The following CAMK1D variants were observed in gnomAD, a reference collection of about 807,000 sequenced individuals.
CAMK1D encodes calcium/calmodulin-dependent protein kinase type 1D.
A neutral mutation model predicts 47.7 loss-of-function variants in CAMK1D; 9 were observed. The observed-to-expected ratio is 0.19, with a 90% CI of 0.11 to 0.33. CAMK1D has a LOEUF of 0.33. Ranked by LOEUF, CAMK1D falls within the 10% of genes least tolerant of loss-of-function variation. The probability of loss-of-function intolerance (pLI) is 1.00; values close to 1 mark genes in which losing one functional copy is unlikely to be tolerated. For synonymous variants in CAMK1D, 184 were observed against 184.9 expected, an observed-to-expected ratio of 0.99 and a Z score of 0.04; for missense variants, 291 against 488.7, an observed-to-expected ratio of 0.60 and a Z score of 3.81.
At chr10:12,586,498 AC>A (rs1837822934) in intron 2 of CAMK1D, among the ~76,000 whole-genome samples, 1 of 151,858 alleles carries the variant, frequency 6.6e-6, no homozygotes, top group African/African-American at 2.4e-5. Context: ...ATAGATGCAT[AC>A]ACGAAAAGTT....
intron 1 of CAMK1D, among the ~76,000 whole-genome samples, chr10:12,464,145 A>G (rs953011588): frequency 1.3e-5 from 2 of 152,314 alleles, no homozygotes; most frequent in South Asian, 2.1e-4. Context: ...TGGTTAAAGT[A>G]TATCTCAAAA....
chr10:12,759,399 T>G (rs1346272101), intron 3 of CAMK1D, among the ~76,000 whole-genome samples: 4 of 152,200 alleles, frequency 2.6e-5, no homozygotes, highest in Non-Finnish European at 5.9e-5. Flanking sequence ...AGACTCACCT[T>G]GTCCCTAACA....
chr10:12,583,217 T>A lies in CAMK1D; in HGVS notation c.224+29861T>A, dbSNP rs187448956. The stretch of plus-strand genomic sequence containing the variant: ...GGAAAATACATCTGTACAGGGACAG[T>A]TGTAGCTCTATCTAGAGAAGGCAAT... On this transcript the variant is annotated intron_variant, in intron 2 of 10. Transcript: ENST00000619168. Among the ~76,000 whole-genome samples the A allele has an allele frequency of 3.3e-5, 5 of 152,232 alleles. No homozygotes were observed. In the Middle Eastern group the frequency reaches 0.01, roughly 311 times the overall value.
chr10:12,631,278 G>T (rs1412832471), intron 2 of CAMK1D, among the ~76,000 whole-genome samples: 1 of 152,188 alleles, frequency 6.6e-6, no homozygotes, highest in Non-Finnish European at 1.5e-5. Flanking sequence ...CTTACTATAA[G>T]ATTGCTATCC....
At chr10:12,602,138 C>T (rs10795968) in intron 2 of CAMK1D, among the ~76,000 whole-genome samples, 120,283 of 151,942 alleles carry the variant, frequency 0.79, 48,431 homozygotes, top group Non-Finnish European at 0.87. Context: ...ACTGCTGCGT[C>T]TATCTGAGGC....
chr10:12,438,914 C>T (rs1053425891), intron 1 of CAMK1D, among the ~76,000 whole-genome samples: 7 of 152,212 alleles, frequency 4.6e-5, no homozygotes, highest in African/African-American at 1.4e-4. Flanking sequence ...CACCGTGTTA[C>T]TTTAATTTTT....
rs569335560 is a variant in CAMK1D, at chr10:12,748,434, G to A, written c.300-12514G>A. On this transcript the variant is annotated intron_variant, in intron 3 of 10. Coordinates refer to ENST00000619168, the MANE Select transcript of CAMK1D (RefSeq NM_153498.4). ...TGGAGGGGCCCACGGGCAGGGATGG[G>A]GGCACTGGCGTGTGACTCAGAGTTT... is the stretch of plus-strand genomic sequence containing the variant. Among the ~76,000 whole-genome samples the A allele has an allele frequency of 4.3e-4, 66 of 152,284 alleles. No homozygotes were observed. The Middle Eastern group carries it at 0.014, about 32-fold the overall frequency.
rs573627820 is a variant in CAMK1D at position 12,643,780 on chromosome 10, T to G, written c.225-22956T>G. Among the ~76,000 whole-genome samples, 81 of 151,362 alleles carry G rather than the reference T, an allele frequency of 5.4e-4. 1 individual carries two copies. Among genetic ancestry groups the G allele is most frequent in the African/African-American group, 1.9e-3 (78 of 41,194 alleles). On this transcript the variant is annotated intron_variant, in intron 2 of 10. Transcript: ENST00000619168. ...AAGCCTGTAATCCCAGCTACTCAGG[T>G]GGCTGAGGCACGAGAATTGCTTGAA...
intron 1 of CAMK1D, among the ~76,000 whole-genome samples, chr10:12,477,842 A>G (rs909585051): frequency 1.3e-5 from 2 of 152,110 alleles, no homozygotes; most frequent in South Asian, 4.1e-4. Context: ...GACCTCTGCC[A>G]TCGTTTCAGG....
At chr10:12,361,486 C>A (rs1052908177) in intron 1 of CAMK1D, among the ~76,000 whole-genome samples, 3 of 144,140 alleles carry the variant, frequency 2.1e-5, no homozygotes, top group Non-Finnish European at 3.0e-5. Flanking sequence ...ACCTTATGAT[C>A]TGCCTGCCTT....
intron 8 of CAMK1D, among the ~76,000 whole-genome samples, chr10:12,819,493 C>T (rs1832939817): frequency 6.6e-6 from 1 of 152,196 alleles, no homozygotes; most frequent in African/African-American, 2.4e-5. Context: ...TGTGGATGAG[C>T]TCCTCAGCCC....
intron 1 of CAMK1D, among the ~76,000 whole-genome samples, chr10:12,452,357 A>G (rs547102495): frequency 1.3e-5 from 2 of 151,928 alleles, no homozygotes; most frequent in Non-Finnish European, 2.9e-5. Flanking sequence ...TCTTCCTTTC[A>G]TTTACAAAGA....
chr10:12,676,564 T>G (rs1335238423), intron 3 of CAMK1D, among the ~76,000 whole-genome samples: 2 of 152,196 alleles, frequency 1.3e-5, no homozygotes, highest in African/African-American at 4.8e-5. Flanking sequence ...TTAGCATATC[T>G]CTTTACTCAT....
chr10:12,709,202 T>C (rs1418039750), intron 3 of CAMK1D, among the ~76,000 whole-genome samples: 1 of 152,204 alleles, frequency 6.6e-6, no homozygotes, highest in Non-Finnish European at 1.5e-5. Context: ...TCCACAGTTA[T>C]ATAAATGGAA....
chr10:12,561,847 C>G (rs1469881826), intron 2 of CAMK1D, among the ~76,000 whole-genome samples: 1 of 152,172 alleles, frequency 6.6e-6, no homozygotes, highest in Non-Finnish European at 1.5e-5. Context: ...TTGCTTATAG[C>G]ACTCCCTGAA....
intron 2 of CAMK1D, among the ~76,000 whole-genome samples, chr10:12,656,172 G>A (rs56082096): frequency 0.031 from 4,724 of 152,050 alleles, 117 homozygotes; most frequent in Non-Finnish European, 0.046. Flanking sequence ...CCCTCCTGTG[G>A]GACCATTACA....
chr10:12,686,575 C>T (rs920044428), intron 3 of CAMK1D, among the ~76,000 whole-genome samples: 2 of 152,130 alleles, frequency 1.3e-5, no homozygotes, highest in Non-Finnish European at 2.9e-5. Context: ...CCACCCACCT[C>T]GGCCTCCCAA....
intron 1 of CAMK1D, among the ~76,000 whole-genome samples, chr10:12,464,551 C>T (rs1415818330): frequency 2.6e-5 from 4 of 152,200 alleles, no homozygotes; most frequent in Non-Finnish European, 5.9e-5. Context: ...CGCCGTGGCT[C>T]ATGCCTGTAA....
At chr10:12,350,143 G>C (rs964778544) in intron 1 of CAMK1D, among the ~76,000 whole-genome samples, 2 of 152,086 alleles carry the variant, frequency 1.3e-5, no homozygotes, top group African/African-American at 4.8e-5. Flanking sequence ...GGCTGTCAGG[G>C]AGCAGCCCAC....
Sources: gnomAD v4.1 joint callset for allele counts (sites outside exome capture counted in the v4.1 genomes callset) on GRCh38, gnomAD v4.1.1 for gene constraint, MANE v1.5 for transcripts, NCBI Gene and HGNC (gene_info 2026-07-23, HGNC 2026-07-21) for gene names.